The following DLC1 variants were observed in gnomAD, a reference collection of about 807,000 sequenced individuals.
DLC1 encodes the protein DLC1 Rho GTPase activating protein, also known as rho GTPase-activating protein 7.
In DLC1, 54 loss-of-function variants were observed where a neutral mutation model predicts 140.3. The observed-to-expected ratio is 0.38, with a 90% CI of 0.31 to 0.48. The LOEUF (loss-of-function observed/expected upper bound fraction) is 0.48. Among genes scored for constraint, DLC1 ranks in the 20% least tolerant of loss-of-function variants. The probability of loss-of-function intolerance (pLI) is 0.96; values close to 1 mark genes in which losing one functional copy is unlikely to be tolerated. For missense variants in DLC1, 2,536 were observed against 1,907.0 expected, an observed-to-expected ratio of 1.33 and a Z score of -6.14; for synonymous variants, 986 against 728.1, an observed-to-expected ratio of 1.35 and a Z score of -5.70.
At position 13,365,611 on chromosome 8, in the gene DLC1, A is replaced by C. The variant is rs866599283; in HGVS notation, c.1314+27942T>G. On this transcript the variant is annotated intron_variant, in intron 4 of 17. Coordinates refer to ENST00000276297, the MANE Select transcript of DLC1 (RefSeq NM_182643.3). ...CCTTGCTTAATGAAGCACTTACAGC[A>C]CTTTCATTGTGCACCACTGAGCGAG... Among the ~76,000 whole-genome samples the C allele has an allele frequency of 2.6e-5, 4 of 152,132 alleles. No homozygotes were observed. The South Asian group carries it at 8.3e-4, about 31-fold the overall frequency.
At chr8:13,584,005 G>A (rs1198030820) in intron 1 of DLC1, 1 of 152,390 alleles carries the variant, frequency 6.6e-6, no homozygotes, top group Non-Finnish European at 1.5e-5. Flanking sequence ...TTGCTGTTCT[G>A]GTTGGATTTC....
At chr8:13,579,280 A>ATG (rs1804961113) in intron 1 of DLC1, among the ~76,000 whole-genome samples, 1 of 83,100 alleles carries the variant, frequency 1.2e-5, no homozygotes, top group African/African-American at 4.6e-5. Context: ...GCACATATCT[A>ATG]CCTGGACTTA....
intron 5 of DLC1, among the ~76,000 whole-genome samples, chr8:13,274,298 A>T (rs1216181497): frequency 6.6e-6 from 1 of 152,200 alleles, no homozygotes; most frequent in African/African-American, 2.4e-5. Flanking sequence ...GAGGACACCA[A>T]AAGTGTCCAG....
chr8:13,221,700 ATGTGTGTGTATATG>A (rs1485074750), intron 5 of DLC1, among the ~76,000 whole-genome samples: 10 of 117,486 alleles, frequency 8.5e-5, no homozygotes, highest in African/African-American at 3.3e-4. Flanking sequence ...GTGTGTGTAT[ATGTGTGTGTATATG>A]TGTGTGTGTG....
At chr8:13,171,711 T>G (rs1825493544) in intron 5 of DLC1, among the ~76,000 whole-genome samples, 1 of 152,092 alleles carries the variant, frequency 6.6e-6, no homozygotes, top group African/African-American at 2.4e-5. Context: ...AAAAAGTAGT[T>G]TACACAGAGG....
intron 5 of DLC1, among the ~76,000 whole-genome samples, chr8:13,280,285 C>CT (rs1831319356): frequency 2.8e-5 from 2 of 70,542 alleles, no homozygotes; most frequent in Admixed American, 2.0e-4. Flanking sequence ...GAGACTCCAT[C>CT]TCAAAAAAAA....
chr8:13,284,468 A>C (rs1240638327), intron 5 of DLC1, among the ~76,000 whole-genome samples: 1 of 152,186 alleles, frequency 6.6e-6, no homozygotes, highest in African/African-American at 2.4e-5. Context: ...CAGAAGTTGC[A>C]GTGCGCTGAG....
At chr8:13,511,479 T>C (rs1437788380) in intron 1 of DLC1, among the ~76,000 whole-genome samples, 1 of 152,108 alleles carries the variant, frequency 6.6e-6, no homozygotes, top group Non-Finnish European at 1.5e-5. Context: ...TTAGCCCATT[T>C]ATTTATCAAA....
chr8:13,401,445 A>T (rs755126322), intron 3 of DLC1, 25 bp downstream of exon 3: 10 of 1,610,184 alleles, frequency 6.2e-6, no homozygotes, highest in South Asian at 1.1e-5. Flanking sequence ...CCTATGGGAA[A>T]AGAAGTAGAA....
chr8:13,490,271 G>C (rs1052619578), intron 2 of DLC1, among the ~76,000 whole-genome samples: 1 of 152,188 alleles, frequency 6.6e-6, no homozygotes. Context: ...GAAGAGGTTC[G>C]TTAATCACTA....
In DLC1 at chr8:13,532,941, C is replaced by T. The variant is rs553500184; in HGVS notation, c.-125-32745G>A. 1.2e-4 allele frequency among the ~76,000 whole-genome samples: 19 copies of T among 152,144 alleles called. 1 individual carries two copies. Among genetic ancestry groups the T allele is most frequent in the South Asian group, 1.2e-3 (6 of 4,824 alleles). On this transcript the variant is annotated intron_variant, in intron 1 of 1. Coordinates refer to the DLC1 transcript ENST00000631382. ...GGCAAAAAAGTGAATAAAAGGAATACGTAGTTTAAATTTTAATTATTTTTT... is the reference window on the plus strand; with the variant it reads ...GGCAAAAAAGTGAATAAAAGGAATATGTAGTTTAAATTTTAATTATTTTTT...
intron 1 of DLC1, among the ~76,000 whole-genome samples, chr8:13,534,358 C>A (rs1803197450): frequency 6.6e-6 from 1 of 151,866 alleles, no homozygotes; most frequent in Non-Finnish European, 1.5e-5. Flanking sequence ...TTTCTTTTTT[C>A]CACTTAAGTA....
intron 2 of DLC1, among the ~76,000 whole-genome samples, chr8:13,489,193 T>A (rs1801117265): frequency 6.6e-6 from 1 of 152,050 alleles, no homozygotes. Context: ...GTGATCTGCC[T>A]GCTTTGGCTC....
intron 5 of DLC1, among the ~76,000 whole-genome samples, chr8:13,274,060 C>G (rs190989266): frequency 6.6e-6 from 1 of 152,128 alleles, no homozygotes; most frequent in Non-Finnish European, 1.5e-5. Context: ...ATTCTGCACA[C>G]GAAGGCAAGG....
At chr8:13,596,533 C>G (rs1191783218) in intron 1 of DLC1, among the ~76,000 whole-genome samples, 1 of 151,926 alleles carries the variant, frequency 6.6e-6, no homozygotes, top group African/African-American at 2.4e-5. Context: ...TTCTTTAACT[C>G]TTTAAGAAAT....
At chr8:13,523,663 C>T (rs1802827361) in intron 1 of DLC1, among the ~76,000 whole-genome samples, 1 of 152,044 alleles carries the variant, frequency 6.6e-6, no homozygotes, top group South Asian at 2.1e-4. Context: ...GCAGAGGTCA[C>T]TCTTGATATT....
chr8:13,349,524 G>T (rs1255216702), intron 4 of DLC1, among the ~76,000 whole-genome samples: 1 of 152,164 alleles, frequency 6.6e-6, no homozygotes, highest in Non-Finnish European at 1.5e-5. Context: ...ACAGAGCTGG[G>T]TCTCAACCAG....
chr8:13,354,720 G>A (rs1834839528), intron 4 of DLC1, among the ~76,000 whole-genome samples: 2 of 151,400 alleles, frequency 1.3e-5, no homozygotes, highest in South Asian at 2.1e-4. Context: ...CGAAGTGGGT[G>A]GATTGCTTGA....
At chr8:13,393,004 T>C (rs555020913) in intron 4 of DLC1, among the ~76,000 whole-genome samples, 1 of 152,324 alleles carries the variant, frequency 6.6e-6, no homozygotes, top group East Asian at 1.9e-4. Flanking sequence ...TATCTCTGCA[T>C]ATAAACCTAT....
Sources: gnomAD v4.1 joint callset for allele counts (sites outside exome capture counted in the v4.1 genomes callset) on GRCh38, gnomAD v4.1.1 for gene constraint, MANE v1.5 for transcripts, NCBI Gene and HGNC (gene_info 2026-07-23, HGNC 2026-07-21) for gene names.